GALNT18: variants seen among roughly 807,000 people sequenced by gnomAD.
The protein encoded by GALNT18 is polypeptide N-acetylgalactosaminyltransferase 18.
Under a neutral mutation model 69.5 loss-of-function variants are expected in GALNT18, and 44 were observed. The ratio of observed to expected loss-of-function variants is 0.63; its 90% confidence interval spans 0.50 to 0.81. GALNT18 has a LOEUF of 0.81. GALNT18 is among the 40% of genes least tolerant of loss of function. GALNT18 has a pLI of 0.00. For synonymous variants in GALNT18, 364 were observed against 318.2 expected (o/e 1.14, Z -1.53); for missense variants, 715 against 810.0 (o/e 0.88, Z 1.42).
chr11:11,290,365 A>C (rs1383112543), intron 10 of GALNT18, among the ~76,000 whole-genome samples: 1 of 152,062 alleles, frequency 6.6e-6, no homozygotes. Context: ...TAGCTTCACA[A>C]TCCCTGCCAG....
At chr11:11,448,179 G>C (rs1855702763) in intron 2 of GALNT18, among the ~76,000 whole-genome samples, 1 of 151,494 alleles carries the variant, frequency 6.6e-6, no homozygotes, top group South Asian at 2.1e-4. Context: ...ATGTAAAAAT[G>C]AGGAGAAAAG....
chr11:11,278,073 G>C (rs1338818613), intron 10 of GALNT18, among the ~76,000 whole-genome samples: 1 of 151,846 alleles, frequency 6.6e-6, no homozygotes, highest in African/African-American at 2.4e-5. Context: ...CTTTTGCCTC[G>C]TTGATCTGTC....
At chr11:11,289,759 G>T (rs1409840072) in intron 10 of GALNT18, among the ~76,000 whole-genome samples, 3 of 152,180 alleles carry the variant, frequency 2.0e-5, no homozygotes, top group African/African-American at 7.2e-5. Context: ...GTGTCTGGGT[G>T]CAGGTCTTGG....
chr11:11,485,355 C>T (rs1377789361), intron 1 of GALNT18, among the ~76,000 whole-genome samples: 4 of 152,200 alleles, frequency 2.6e-5, no homozygotes, highest in African/African-American at 9.7e-5. Context: ...ATGACCCCCT[C>T]CTCGGTGTGA....
chr11:11,326,814 T>C (rs1393218021), intron 9 of GALNT18, among the ~76,000 whole-genome samples: 1 of 152,190 alleles, frequency 6.6e-6, no homozygotes, highest in Non-Finnish European at 1.5e-5. Flanking sequence ...GGTGTTTCTC[T>C]TTAGAAGTGT....
At chr11:11,278,671 G>A (rs1258287389) in intron 10 of GALNT18, among the ~76,000 whole-genome samples, 2 of 152,012 alleles carry the variant, frequency 1.3e-5, no homozygotes, top group African/African-American at 2.4e-5. Context: ...TTGAATTCCT[G>A]GAGAGAGAAT....
At chr11:11,515,458 T>A (rs1023381624) in intron 1 of GALNT18, among the ~76,000 whole-genome samples, 4 of 152,330 alleles carry the variant, frequency 2.6e-5, no homozygotes, top group East Asian at 3.9e-4. Flanking sequence ...TTCCCCCTGC[T>A]CTCTCTGTAT....
chr11:11,301,762 CGGGTGCCAG>C (rs1035615862), intron 9 of GALNT18, among the ~76,000 whole-genome samples: 8 of 152,162 alleles, frequency 5.3e-5, no homozygotes, highest in African/African-American at 1.9e-4. Context: ...CTTTGCCTCT[CGGGTGCCAG>C]GGCTGGCCTG....
At position 11,459,606 on chromosome 11, in the gene GALNT18, G is replaced by A. The variant is rs1855996589; in HGVS notation, c.236-10670C>T. 6.6e-6 allele frequency among the ~76,000 whole-genome samples: 1 copy of A among 152,206 alleles called. No homozygotes were observed. Among genetic ancestry groups the A allele is most frequent in the Non-Finnish European group, 1.5e-5 (1 of 68,032 alleles). On this transcript the variant is annotated intron_variant, in intron 1 of 10. Transcript: ENST00000227756. The surrounding 1 kb of genome is among the most constrained non-coding windows in gnomAD (Gnocchi z 5.0). ...GGCACCTCTGCCCTGGATTGGCTGT[G>A]TGACCCTCATCAAGCTCTTAAACCT...
chr11:11,403,578 T>G (rs1034820894), intron 3 of GALNT18, among the ~76,000 whole-genome samples: 1 of 152,186 alleles, frequency 6.6e-6, no homozygotes, highest in Non-Finnish European at 1.5e-5. Flanking sequence ...TTTTCTTCCC[T>G]CTGGAACTTC....
intron 10 of GALNT18, among the ~76,000 whole-genome samples, chr11:11,292,810 A>C (rs765345928): frequency 4.6e-5 from 7 of 152,214 alleles, no homozygotes; most frequent in Non-Finnish European, 1.0e-4. Flanking sequence ...CTCAGAGCCA[A>C]TATCACAGGG....
intron 1 of GALNT18, among the ~76,000 whole-genome samples, chr11:11,495,408 T>C (rs1856849076): frequency 6.6e-6 from 1 of 152,184 alleles, no homozygotes; most frequent in South Asian, 2.1e-4. Context: ...TAGAAAGGGA[T>C]GACTTGTAGG....
At chr11:11,424,754 G>A (rs149708204) in intron 3 of GALNT18, among the ~76,000 whole-genome samples, 212 of 152,246 alleles carry the variant, frequency 1.4e-3, no homozygotes, top group Middle Eastern at 3.4e-3. Flanking sequence ...CAGCTGGGGC[G>A]GTGCTAGGGG....
Position 11,314,927 on chromosome 11 carries a change from G to C in GALNT18, c.1512+12159C>G, listed in dbSNP as rs1849725834. Among the ~76,000 whole-genome samples the C allele has an allele frequency of 6.6e-6, 1 of 152,154 alleles. No individual in the cohort carries two copies. The highest frequency in any genetic ancestry group is 2.4e-5 in the African/African-American group (1 of 41,426). On this transcript the variant is annotated intron_variant, in intron 9 of 10. Transcript: ENST00000227756. This position sits in a 1 kb window ranked among gnomAD's most constrained non-coding sequence, Gnocchi z 5.2. Reference sequence around the variant, plus strand: ...CTCAACTATTGGTGGTGGGGCCTAGGGATATCTTTACATGTTTGAGCCAAA... The same window carrying C: ...CTCAACTATTGGTGGTGGGGCCTAGCGATATCTTTACATGTTTGAGCCAAA...
At chr11:11,287,787 G>A (rs765654291) in intron 10 of GALNT18, among the ~76,000 whole-genome samples, 8 of 152,182 alleles carry the variant, frequency 5.3e-5, no homozygotes, top group East Asian at 1.9e-4. Flanking sequence ...GACATCAGCT[G>A]TTTAGGGAGG....
rs537861884 is a variant in GALNT18, at chr11:11,584,613, A to T, written c.235+36746T>A. On this transcript the variant is annotated intron_variant, in intron 1 of 10. Coordinates refer to ENST00000227756, the MANE Select transcript of GALNT18 (RefSeq NM_198516.3). This position sits in a 1 kb window ranked among gnomAD's most constrained non-coding sequence, Gnocchi z 4.1. ...TTCCTGAGGAGTGTGGAGAGCAAAG[A>T]AGCAAACCCAATGAGTCACAGTGTA... Among the ~76,000 whole-genome samples, 1 of 152,186 alleles carries T rather than the reference A, an allele frequency of 6.6e-6. No individual in the cohort carries two copies. The highest frequency in any genetic ancestry group is 2.1e-4 in the South Asian group (1 of 4,818).
intron 1 of GALNT18, among the ~76,000 whole-genome samples, chr11:11,608,360 G>C (rs1439295675): frequency 1.3e-5 from 2 of 151,680 alleles, no homozygotes; most frequent in Non-Finnish European, 2.9e-5. Flanking sequence ...TGTCTTTTTT[G>C]TTTTTTGGTT....
rs1859475337 is a variant in GALNT18 at position 11,595,467 on chromosome 11, T to C, written c.235+25892A>G. On this transcript the variant is annotated intron_variant, in intron 1 of 10. Transcript: ENST00000227756. The surrounding 1 kb of genome is among the most constrained non-coding windows in gnomAD (Gnocchi z 5.2). ...TGAGAAATTTCTGTCGTTTAAAAGC[T>C]ACCCAGTTTTGTTTATTTTGTTATG... 6.6e-6 allele frequency among the ~76,000 whole-genome samples: 1 copy of C among 152,192 alleles called. No homozygotes were observed. The highest frequency in any genetic ancestry group is 1.5e-5 in the Non-Finnish European group (1 of 68,026).
At position 11,582,730 on chromosome 11, in the gene GALNT18, T is replaced by G. The variant is rs1331917262; in HGVS notation, c.235+38629A>C. Among the ~76,000 whole-genome samples, 2 of 152,254 alleles carry G rather than the reference T, an allele frequency of 1.3e-5. No homozygotes were observed. The highest frequency in any genetic ancestry group is 4.8e-5 in the African/African-American group (2 of 41,462). ...AGTGGAAACTAACCAACACAGCCTT[T>G]CAGCCCTCATCAAAGGTGATGCAAC... On this transcript the variant is annotated intron_variant, in intron 1 of 10. Transcript: ENST00000227756. The surrounding 1 kb of genome is among the most constrained non-coding windows in gnomAD (Gnocchi z 5.0).
Sources: allele counts gnomAD v4.1 joint callset (sites outside exome capture counted in the v4.1 genomes callset), GRCh38; gene constraint gnomAD v4.1.1; non-coding constraint Gnocchi (gnomAD v3.1); transcripts MANE v1.5; gene names NCBI Gene and HGNC (gene_info 2026-07-23, HGNC 2026-07-21).